Variants in CDC42SE2 observed in about 807,000 individuals in gnomAD.
The protein encoded by CDC42SE2 is CDC42 small effector 2.
CDC42SE2 carries 3 observed loss-of-function variants against 11.5 expected under a neutral mutation model. The ratio of observed to expected loss-of-function variants is 0.26; its 90% CI spans 0.12 to 0.67. The LOEUF (loss-of-function observed/expected upper bound fraction) is 0.67. Among genes scored for constraint, CDC42SE2 ranks in the 30% least tolerant of loss-of-function variants. The pLI is 0.80. For missense variants in CDC42SE2, 82 were observed against 106.8 expected, an observed-to-expected ratio of 0.77 and a Z score of 1.02; for synonymous variants, 33 against 34.8, an observed-to-expected ratio of 0.95 and a Z score of 0.18.
At chr5:131,239,384 C>A in the CDC42SE2 span, among the ~76,000 whole-genome samples, 1 of 151,892 alleles carries the variant, frequency 6.6e-6, no homozygotes, top group Non-Finnish European at 1.5e-5. Flanking sequence ...CTGCAGGGAG[C>A]CATGATCACA....
chr5:131,266,954 CTTTTTTTTTTTT>C (rs34496996), intron 1 of CDC42SE2, among the ~76,000 whole-genome samples: 1 of 69,514 alleles, frequency 1.4e-5, no homozygotes, highest in African/African-American at 5.0e-5. Context: ...AAGTGTTTGG[CTTTTTTTTTTTT>C]TTTTTTTTTT....
At chr5:131,327,714 C>T (rs112945267) in intron 2 of CDC42SE2, among the ~76,000 whole-genome samples, 258 of 152,178 alleles carry the variant, frequency 1.7e-3, no homozygotes, top group African/African-American at 5.7e-3. Flanking sequence ...AGGCTACTTA[C>T]GGATTTTATT....
At chr5:131,358,525 C>T (rs190532863) in intron 2 of CDC42SE2, among the ~76,000 whole-genome samples, 22 of 152,308 alleles carry the variant, frequency 1.4e-4, no homozygotes, top group African/African-American at 5.1e-4. Context: ...CTTTGTCCAA[C>T]TGCAGATAGA....
At chr5:131,316,619 A>G (rs543519590) in intron 2 of CDC42SE2, among the ~76,000 whole-genome samples, 28 of 152,338 alleles carry the variant, frequency 1.8e-4, no homozygotes, top group Non-Finnish European at 3.8e-4. Flanking sequence ...GTGAAAAGGA[A>G]GAAAATAGAT....
At chr5:131,314,357 G>C (rs1757995794) in intron 1 of CDC42SE2, among the ~76,000 whole-genome samples, 1 of 151,368 alleles carries the variant, frequency 6.6e-6, no homozygotes, top group Non-Finnish European at 1.5e-5. Context: ...ACAGCCTCCT[G>C]AGTAGCTAGG....
upstream of CDC42SE2, chr5:131,263,892 A>G (rs1369401572): frequency 6.6e-6 from 1 of 151,144 alleles, no homozygotes; most frequent in African/African-American, 2.5e-5. Flanking sequence ...CGATTCGCCC[A>G]TGCCGGAGGT....
chr5:131,384,942 AGAGT>A (rs1255846377), intron 3 of CDC42SE2, among the ~76,000 whole-genome samples: 3 of 151,402 alleles, frequency 2.0e-5, no homozygotes, highest in African/African-American at 7.3e-5. Flanking sequence ...AAAATTAAGA[AGAGT>A]GAGTAAGACC....
rs193115568 is a variant in CDC42SE2 at position 131,361,077 on chromosome 5, T to G, written c.54+1530T>G. The stretch of plus-strand genomic sequence containing the variant: ...AATCTTAGAGTTTGTTTGTTTGTTT[T>G]TTTTTTTGGATTGCATTGAATTTAT... On this transcript the variant is annotated intron_variant, in intron 3 of 4. Coordinates refer to ENST00000505065, the MANE Select transcript of CDC42SE2 (RefSeq NM_001375635.1). 3.8e-3 allele frequency among the ~76,000 whole-genome samples: 575 copies of G among 151,210 alleles called. 11 individuals carry two copies. Among genetic ancestry groups the G allele is most frequent in the East Asian group, 0.022 (116 of 5,190 alleles).
upstream of CDC42SE2, among the ~76,000 whole-genome samples, chr5:131,245,300 A>C (rs757779755): frequency 6.6e-6 from 1 of 152,102 alleles, no homozygotes; most frequent in Non-Finnish European, 1.5e-5. Context: ...CAGTCACCAT[A>C]ATTGATACTG....
chr5:131,352,440 A>G (rs1375077376), intron 2 of CDC42SE2, among the ~76,000 whole-genome samples: 1 of 152,222 alleles, frequency 6.6e-6, no homozygotes, highest in African/African-American at 2.4e-5. Context: ...TGTGAAAAAG[A>G]GTGCATGCTG....
the CDC42SE2 span, among the ~76,000 whole-genome samples, chr5:131,233,224 C>T: frequency 6.6e-6 from 1 of 151,868 alleles, no homozygotes; most frequent in Non-Finnish European, 1.5e-5. Flanking sequence ...ACATATATAA[C>T]TATAATTCTT....
chr5:131,357,109 A>G (rs1020194249), intron 2 of CDC42SE2, among the ~76,000 whole-genome samples: 1 of 152,348 alleles, frequency 6.6e-6, no homozygotes, highest in Non-Finnish European at 1.5e-5. Flanking sequence ...AAAACTTCAC[A>G]GTATTTACCC....
At chr5:131,390,938 C>A (rs1750631967) in intron 4 of CDC42SE2, 55 bp from the exon 5 acceptor site, 1 of 1,157,326 alleles carries the variant, frequency 8.6e-7, no homozygotes, top group Non-Finnish European at 1.3e-6. Flanking sequence ...CTTAGTTGCA[C>A]CGGACCTACT....
At chr5:131,278,269 C>T (rs567176457) in intron 1 of CDC42SE2, among the ~76,000 whole-genome samples, 2 of 152,276 alleles carry the variant, frequency 1.3e-5, no homozygotes, top group South Asian at 4.1e-4. Context: ...CAGATGTGTG[C>T]CACTGCGCCT....
intron 2 of CDC42SE2, among the ~76,000 whole-genome samples, chr5:131,349,888 G>T (rs1272670023): frequency 1.3e-5 from 2 of 152,202 alleles, no homozygotes; most frequent in African/African-American, 4.8e-5. Context: ...AGGGTTAATG[G>T]GTGATTTTCT....
chr5:131,381,029 C>T (rs1276162907), intron 3 of CDC42SE2, among the ~76,000 whole-genome samples: 1 of 152,214 alleles, frequency 6.6e-6, no homozygotes, highest in Non-Finnish European at 1.5e-5. Flanking sequence ...TCTGCTCCCT[C>T]TTGACACTTG....
chr5:131,366,502 T>G (rs1190542693), intron 3 of CDC42SE2, among the ~76,000 whole-genome samples: 1 of 152,324 alleles, frequency 6.6e-6, no homozygotes, highest in Non-Finnish European at 1.5e-5. Context: ...TGCTTTAATG[T>G]TTTTCGGTTG....
intron 1 of CDC42SE2, among the ~76,000 whole-genome samples, chr5:131,295,284 A>C (rs1464393841): frequency 1.3e-5 from 2 of 152,116 alleles, no homozygotes; most frequent in Non-Finnish European, 2.9e-5. Flanking sequence ...CTTTGAAAAA[A>C]AAAAAACCAA....
chr5:131,361,879 G>A (rs1053098978), intron 3 of CDC42SE2, among the ~76,000 whole-genome samples: 1 of 152,114 alleles, frequency 6.6e-6, no homozygotes, highest in Non-Finnish European at 1.5e-5. Flanking sequence ...CTCTTGTGCA[G>A]GCGTGTTCCC....
Sources: allele counts gnomAD v4.1 joint callset (sites outside exome capture counted in the v4.1 genomes callset), GRCh38; gene constraint gnomAD v4.1.1; transcripts MANE v1.5; gene names NCBI Gene and HGNC (gene_info 2026-07-23, HGNC 2026-07-21).